The following DAGLB variants were observed in gnomAD, a reference collection of about 807,000 sequenced individuals.
DAGLB encodes the protein diacylglycerol lipase beta.
A neutral mutation model predicts 72.1 loss-of-function variants in DAGLB; 66 were observed. The ratio of observed to expected loss-of-function variants is 0.92; its 90% CI spans 0.75 to 1.12. The LOEUF is 1.12. Ranked by LOEUF, DAGLB falls within the 50% of genes most tolerant of loss-of-function variation. DAGLB has a pLI of 0.00. For missense variants in DAGLB, 1,065 were observed against 884.9 expected (o/e 1.20, Z -2.58); for synonymous variants, 414 against 359.5 (o/e 1.15, Z -1.71).
At chr7:6,437,844 G>A (rs1006037128) in intron 2 of DAGLB, among the ~76,000 whole-genome samples, 1 of 152,044 alleles carries the variant, frequency 6.6e-6, no homozygotes, top group Non-Finnish European at 1.5e-5. Flanking sequence ...GTTTCACCAT[G>A]TTGGCCAGGC....
rs1170623058 is a variant in DAGLB at position 6,409,924 on chromosome 7, C to A, written c.1932G>T (p.Leu644=). The A allele has an allele frequency of 6.2e-7, 1 of 1,614,042 alleles. No individual in the cohort carries two copies. Among genetic ancestry groups the A allele is most frequent in the South Asian group, 1.1e-5 (1 of 91,092 alleles). ...KMLTDHMPDI[L]MRALDSVVSD... ...AGACCACGCTGTCCAAGGCCCGCATCAGGATGTCTGGCATGTGGTCGGTGA... is the reference window on the plus strand; with the variant it reads ...AGACCACGCTGTCCAAGGCCCGCATAAGGATGTCTGGCATGTGGTCGGTGA... The change falls in exon 15 of 15, where the codon CTG becomes CTT. Residue 644 remains leucine, a synonymous_variant. Transcript: ENST00000297056.
In DAGLB at chr7:6,426,020, T is replaced by C. The variant is rs370672193; in HGVS notation, c.1024A>G (p.Arg342Gly). 4.8e-5 allele frequency: 77 copies of C among 1,614,040 alleles called. No homozygotes were observed. The highest frequency in any genetic ancestry group is 6.1e-5 in the Non-Finnish European group (72 of 1,180,022). ...SILHTTGLQY[R>G]DFIHVSFHDK... ...TGGAAGCTGACGTGGATGAAGTCCCTGTACTGCAGCCCTGTGGTGTGCAGG... is the reference window on the plus strand; with the variant it reads ...TGGAAGCTGACGTGGATGAAGTCCCCGTACTGCAGCCCTGTGGTGTGCAGG... The change falls in exon 7 of 15, where the codon AGG becomes GGG. Residue 342 changes from arginine to glycine, a missense_variant. Arg to Gly is a moderately radical substitution (Grantham distance 125, BLOSUM62 -2). Coordinates refer to ENST00000297056, the MANE Select transcript of DAGLB (RefSeq NM_139179.4).
At position 6,447,914 on chromosome 7, in the gene DAGLB, C is replaced by T; in HGVS notation, c.-72G>A. 8 of 1,483,008 alleles carry T rather than the reference C, an allele frequency of 5.4e-6. No individual in the cohort carries two copies. The highest frequency in any genetic ancestry group is 1.4e-5 in the African/African-American group (1 of 70,296). 91.9% of individuals were successfully genotyped at this position (1,483,008 alleles called of 1,614,324 possible). On this transcript the variant is annotated 5_prime_UTR_variant, in exon 1 of 15. Coordinates refer to ENST00000297056, the MANE Select transcript of DAGLB (RefSeq NM_139179.4). ...TCACCGAGAACAAACCAGCACCCTC[C>T]GGACGCCGCCACCAAATTATCGGCG...
chr7:6,447,110 A>G (rs1219402635), intron 1 of DAGLB, among the ~76,000 whole-genome samples: 5 of 152,224 alleles, frequency 3.3e-5, no homozygotes, highest in Admixed American at 3.3e-4. Flanking sequence ...ATGTGCTGAG[A>G]TAACAGGCGT....
chr7:6,430,756 C>G (rs920568752), intron 5 of DAGLB, 149 bp from the exon 6 acceptor site: 1 of 886,488 alleles, frequency 1.1e-6, no homozygotes, highest in African/African-American at 1.7e-5. Flanking sequence ...CAAAACTGCT[C>G]CTTCAATAAG....
intron 2 of DAGLB, among the ~76,000 whole-genome samples, chr7:6,439,405 G>A (rs191371963): frequency 6.6e-6 from 1 of 152,224 alleles, no homozygotes; most frequent in African/African-American, 2.4e-5. Flanking sequence ...ATTCCTAAAT[G>A]TAATGTCCTC....
chr7:6,413,446 C>T (rs763522421), intron 11 of DAGLB, among the ~76,000 whole-genome samples: 6 of 151,990 alleles, frequency 3.9e-5, no homozygotes, highest in Non-Finnish European at 5.9e-5. Flanking sequence ...CTGGCTAACA[C>T]GGTAAAAGCC....
chr7:6,409,827 G>A lies in DAGLB; in HGVS notation c.*10C>T, dbSNP rs1411082254. 1.2e-6 allele frequency: 2 copies of A among 1,611,810 alleles called. No homozygotes were observed. Among genetic ancestry groups the A allele is most frequent in the Admixed American group, 3.4e-5 (2 of 59,700 alleles). ...TCCATCGTTCCTGGGACAGTTTCCA[G>A]TGGCCCTGGTCAGGCCACGTCCACA... On this transcript the variant is annotated 3_prime_UTR_variant, in exon 15 of 15. Transcript: ENST00000297056.
chr7:6,414,050 T>G (rs13237316), intron 11 of DAGLB, among the ~76,000 whole-genome samples: 1 of 152,096 alleles, frequency 6.6e-6, no homozygotes, highest in Non-Finnish European at 1.5e-5. Flanking sequence ...TCGCTCTGTC[T>G]CCCAGGCTGG....
At chr7:6,422,142 G>A (rs755830696) in intron 8 of DAGLB, 15 of 380,802 alleles carry the variant, frequency 3.9e-5, no homozygotes, top group South Asian at 1.4e-4. Flanking sequence ...CCTGGTTCCC[G>A]TCCTCAGGAG....
At chr7:6,416,494 G>C (rs1783921119) in intron 11 of DAGLB, 133 bp downstream of exon 11, 1 of 1,351,422 alleles carries the variant, frequency 7.4e-7, no homozygotes, top group Non-Finnish European at 9.9e-7. Flanking sequence ...AGTGAGCCGA[G>C]ATCACGCCAC....
chr7:6,436,549 C>A lies in DAGLB; in HGVS notation c.248-16G>T. 6.2e-7 allele frequency: 1 copy of A among 1,613,714 alleles called. No individual in the cohort carries two copies. Among genetic ancestry groups the A allele is most frequent in the Non-Finnish European group, 8.5e-7 (1 of 1,179,918 alleles). On this transcript the variant is annotated splice_polypyrimidine_tract_variant and intron_variant, in intron 2 of 14. Coordinates refer to ENST00000297056, the MANE Select transcript of DAGLB (RefSeq NM_139179.4). The stretch of plus-strand genomic sequence containing the variant: ...CAAATCGTTCCTGAAATACAAAAAA[C>A]GTTCCGACTGCTCAGTTGCTTCCTC...
intron 2 of DAGLB, among the ~76,000 whole-genome samples, chr7:6,442,974 C>G (rs1333409314): frequency 1.3e-5 from 2 of 149,256 alleles, no homozygotes; most frequent in East Asian, 2.0e-4. Context: ...GAGATGGAGA[C>G]CATCCTGGCT....
intron 8 of DAGLB, chr7:6,422,103 C>T (rs1784146776): frequency 2.2e-6 from 1 of 452,256 alleles, no homozygotes; most frequent in Non-Finnish European, 4.3e-6. Context: ...CCCCGTGGCA[C>T]AGAACCTGTG....
At chr7:6,442,339 T>C (rs1784861658) in intron 2 of DAGLB, among the ~76,000 whole-genome samples, 1 of 151,944 alleles carries the variant, frequency 6.6e-6, no homozygotes, top group Non-Finnish European at 1.5e-5. Context: ...GATGCAAGCA[T>C]TGTACGAGTG....
chr7:6,435,953 T>G (rs1421425241), intron 3 of DAGLB, among the ~76,000 whole-genome samples: 1 of 152,166 alleles, frequency 6.6e-6, no homozygotes, highest in Non-Finnish European at 1.5e-5. Context: ...TCTAGAATAT[T>G]ATTCCCTGTC....
At chr7:6,436,671 G>T in intron 2 of DAGLB, 138 bp from the exon 3 acceptor site, 1 of 1,014,790 alleles carries the variant, frequency 9.9e-7, no homozygotes, top group Non-Finnish European at 1.4e-6. Context: ...ACTTATAATT[G>T]GTAATCAGCA....
chr7:6,430,285 A>ATATATATATATATATAT (rs1784444801), intron 6 of DAGLB, among the ~76,000 whole-genome samples, 195 bp downstream of exon 6: 2 of 98,414 alleles, frequency 2.0e-5, no homozygotes, highest in African/African-American at 3.7e-5. Context: ...ATATATATGC[A>ATATATATATATATATAT]GGGGGGAGGG....
intron 2 of DAGLB, among the ~76,000 whole-genome samples, chr7:6,437,500 T>C (rs6945053): frequency 0.08 from 12,122 of 151,670 alleles, 1,128 homozygotes; most frequent in East Asian, 0.5. Context: ...GGCACAATCA[T>C]GACTCACTGC....
Sources: allele counts gnomAD v4.1 joint callset (sites outside exome capture counted in the v4.1 genomes callset), GRCh38; gene constraint gnomAD v4.1.1; transcripts MANE v1.5; gene names NCBI Gene and HGNC (gene_info 2026-07-23, HGNC 2026-07-21).